The following ARHGDIG variants were observed in gnomAD, a reference collection of about 807,000 sequenced individuals.
ARHGDIG encodes rho GDP-dissociation inhibitor 3.
A neutral mutation model predicts 20.2 loss-of-function variants in ARHGDIG; 14 were observed. The ratio of observed to expected loss-of-function variants is 0.69; its 90% confidence interval spans 0.46 to 1.08. The LOEUF (loss-of-function observed/expected upper bound fraction) is 1.08. Ranked by LOEUF, ARHGDIG falls within the 50% of genes least tolerant of loss-of-function variation. ARHGDIG has a pLI of 0.00. For synonymous variants in ARHGDIG, 193 were observed against 138.6 expected (o/e 1.39, Z -2.76); for missense variants, 311 against 301.8 (o/e 1.03, Z -0.23).
rs1332960923 is a variant in ARHGDIG, at chr16:282,963, C to CGCTGTCCCCTGA, written c.*158_*169dup. 1.0e-6 allele frequency: 1 copy of CGCTGTCCCCTGA among 970,758 alleles called. No homozygotes were observed. The highest frequency in any genetic ancestry group is 1.5e-6 in the Non-Finnish European group (1 of 676,958). The allele number at this position is 970,758 out of a possible 1,614,324, so 60.1% of individuals were successfully genotyped here. On this transcript the variant is annotated 3_prime_UTR_variant, in exon 6 of 6. Transcript: ENST00000219409. ...TCTGTCCCGGGACCCCCTGGCCTGG[C>CGCTGTCCCCTGA]GCTGTCCCCTGAGCTGTCCCATTAA...
rs751588124 is a variant in ARHGDIG at position 282,275 on chromosome 16, C to T, written c.338-22C>T. On this transcript the variant is annotated intron_variant, in intron 3 of 5. Transcript: ENST00000219409. ...CTCAGCCTGTAGGGGAGTTCCGACC[C>T]TAGCTGAGGTTTCCCCAATAGGGGA... 3.2e-5 allele frequency: 52 copies of T among 1,613,036 alleles called. 1 individual carries two copies. The South Asian group carries it at 4.4e-4, about 14-fold the overall frequency.
chr16:280,622 G>C lies in ARHGDIG; in HGVS notation c.-59G>C. The C allele has an allele frequency of 1.2e-6, 1 of 810,008 alleles. No homozygotes were observed. Among genetic ancestry groups the C allele is most frequent in the Non-Finnish European group, 1.5e-6 (1 of 675,822 alleles). 50.2% of individuals were successfully genotyped at this position (810,008 alleles called of 1,614,324 possible). A position where few individuals can be genotyped will look rare whatever the true frequency, so the allele number is the denominator to read the frequency against. On this transcript the variant is annotated 5_prime_UTR_variant, in exon 1 of 6. Coordinates refer to ENST00000219409, the MANE Select transcript of ARHGDIG (RefSeq NM_001176.4). The surrounding 1 kb of genome is among the most constrained non-coding windows in gnomAD (Gnocchi z 6.6). ...GCCGGGGCTGAGCGCCGAGCGGGGC[G>C]GCGGCGGGGCGGGCGGCGGCTCCTC...
At position 280,710 on chromosome 16, in the gene ARHGDIG, G is replaced by C; in HGVS notation, c.30G>C (p.Gly10=). 7.9e-7 allele frequency: 1 copy of C among 1,270,700 alleles called. No homozygotes were observed. The allele number at this position is 1,270,700 out of a possible 1,614,324, so 78.7% of individuals were successfully genotyped here. The change falls in exon 1 of 6, where the codon GGG becomes GGC. Residue 10 remains glycine (G), a synonymous_variant. Coordinates refer to ENST00000219409, the MANE Select transcript of ARHGDIG (RefSeq NM_001176.4). This position sits in a 1 kb window ranked among gnomAD's most constrained non-coding sequence, Gnocchi z 6.6. ...TGGGCCTGGACGCGTGCGAGCTGGG[G>C]GCGCAGCTGCTGGAGCTGCTCCGGC... is the stretch of plus-strand genomic sequence containing the variant. MLGLDACEL[G]AQLLELLRLA...
intron 5 of ARHGDIG, 24 bp downstream of exon 5, chr16:282,554 G>A (rs770846119): frequency 2.8e-5 from 42 of 1,523,362 alleles, no homozygotes; most frequent in South Asian, 2.3e-4. Context: ...TGGGGGGAAC[G>A]GGGCGGGGGG....
Position 282,763 on chromosome 16 carries a change from C to G in ARHGDIG, c.627C>G (p.His209Gln), listed in dbSNP as rs368721968. ...VSLFTDDDRT[H>Q]HLSWEWGLCI... ...TCTTCACCGACGATGACAGGACGCA[C>G]CACCTGTCCTGGGAGTGGGGTCTCT... Residue 209 changes from histidine (H) to glutamine (Q), a missense_variant, in exon 6 of 6, where the codon CAC becomes CAG. Physicochemically the swap from His to Gln is conservative, Grantham distance 24. Coordinates refer to ENST00000219409, the MANE Select transcript of ARHGDIG (RefSeq NM_001176.4). The G allele has an allele frequency of 5.0e-6, 8 of 1,609,246 alleles. No homozygotes were observed. The African/African-American group carries it at 9.4e-5, about 19-fold the overall frequency.
Position 282,601 on chromosome 16 carries a change from C to T in ARHGDIG, c.479-14C>T, listed in dbSNP as rs772162740. On this transcript the variant is annotated splice_polypyrimidine_tract_variant and intron_variant, in intron 5 of 5. Coordinates refer to ENST00000219409, the MANE Select transcript of ARHGDIG (RefSeq NM_001176.4). ...GCAGACAGAGGACAGCTCTGATGCC[C>T]TCGCCCTCCCTAGTGGACAAGACCG... 3 of 1,583,188 alleles carry T rather than the reference C, an allele frequency of 1.9e-6. No individual in the cohort carries two copies. The African/African-American group carries it at 4.0e-5, about 21-fold the overall frequency.
At position 281,772 on chromosome 16, in the gene ARHGDIG, C is replaced by T. The variant is rs1750250941; in HGVS notation, c.100C>T (p.Pro34Ser). 6.2e-7 allele frequency: 1 copy of T among 1,603,176 alleles called. No individual in the cohort carries two copies. The highest frequency in any genetic ancestry group is 8.5e-7 in the Non-Finnish European group (1 of 1,175,194). Reference sequence around the variant, plus strand: ...CCTCCTGGCTGACAAGGAGGGTGGGCCGCCGGCAGTGGACGAGGTGTTGGA... The same window carrying T: ...CCTCCTGGCTGACAAGGAGGGTGGGTCGCCGGCAGTGGACGAGGTGTTGGA... ...RVLLADKEGG[P>S]PAVDEVLDEA... The change falls in exon 2 of 6, where the codon CCG (proline) becomes TCG (serine). Residue 34 changes from proline (P) to serine (S), a missense_variant. Transcript: ENST00000219409.
rs1397482395 is a variant in ARHGDIG at position 280,734 on chromosome 16, G to T, written c.54G>T (p.Arg18=). The T allele has an allele frequency of 1.5e-6, 2 of 1,296,110 alleles. No individual in the cohort carries two copies. Among genetic ancestry groups the T allele is most frequent in the Non-Finnish European group, 9.8e-7 (1 of 1,018,072 alleles). The allele number at this position is 1,296,110 out of a possible 1,614,324, so 80.3% of individuals were successfully genotyped here. ...ELGAQLLELL[R]LALCARVLLA... Reference sequence around the variant, plus strand: ...GGGCGCAGCTGCTGGAGCTGCTCCGGCTGGCGCTGTGCGCCCGAGGTGAGC... The same window carrying T: ...GGGCGCAGCTGCTGGAGCTGCTCCGTCTGGCGCTGTGCGCCCGAGGTGAGC... The change falls in exon 1 of 6, where the codon CGG becomes CGT. Residue 18 remains arginine (R), a synonymous_variant. Coordinates refer to ENST00000219409, the MANE Select transcript of ARHGDIG (RefSeq NM_001176.4). This position sits in a 1 kb window ranked among gnomAD's most constrained non-coding sequence, Gnocchi z 6.6.
At position 280,732 on chromosome 16, in the gene ARHGDIG, C is replaced by A; in HGVS notation, c.52C>A (p.Arg18=). The part of the protein sequence containing the change: ...ELGAQLLELL[R]LALCARVLLA... ...GGGGGCGCAGCTGCTGGAGCTGCTC[C>A]GGCTGGCGCTGTGCGCCCGAGGTGA... Residue 18 remains arginine, a synonymous_variant, in exon 1 of 6, where the codon CGG becomes AGG. Transcript: ENST00000219409. The surrounding 1 kb of genome is among the most constrained non-coding windows in gnomAD (Gnocchi z 6.6). The A allele has an allele frequency of 2.3e-6, 3 of 1,294,004 alleles. No homozygotes were observed. Among genetic ancestry groups the A allele is most frequent in the Non-Finnish European group, 2.0e-6 (2 of 1,017,082 alleles). The allele number at this position is 1,294,004 out of a possible 1,614,324, so 80.2% of individuals were successfully genotyped here. A position where few individuals can be genotyped will look rare whatever the true frequency, so the allele number is the denominator to read the frequency against.
Position 282,278 on chromosome 16 carries a change from G to T in ARHGDIG, c.338-19G>T, listed in dbSNP as rs940528772. On this transcript the variant is annotated intron_variant, in intron 3 of 5. Transcript: ENST00000219409. ...AGCCTGTAGGGGAGTTCCGACCCTA[G>T]CTGAGGTTTCCCCAATAGGGGACCT... The T allele has an allele frequency of 6.2e-7, 1 of 1,613,198 alleles. No homozygotes were observed. The highest frequency in any genetic ancestry group is 2.2e-5 in the East Asian group (1 of 44,880).
chr16:281,679 C>T (rs890285772), intron 1 of ARHGDIG, 67 bp from the exon 2 acceptor site: 1 of 1,476,360 alleles, frequency 6.8e-7, no homozygotes, highest in Non-Finnish European at 9.0e-7. Flanking sequence ...CCAGAGGGGG[C>T]TCCAGCCTGG....
intron 1 of ARHGDIG, chr16:281,485 G>C (rs2052282400): frequency 2.2e-6 from 1 of 454,422 alleles, no homozygotes. Context: ...CCGAGTCAGG[G>C]AGGGGGCCCT....
chr16:282,373 G>A lies in ARHGDIG; in HGVS notation c.414G>A (p.Lys138=), dbSNP rs140777703. The part of the protein sequence containing the change: ...GVDYRVKISF[K]VHREIVSGLK... The stretch of plus-strand genomic sequence containing the variant: ...ATTACAGAGTGAAGATCTCCTTCAA[G>A]GTGAGAGCCGGGGCAATGGGCGGAG... Residue 138 remains lysine, a splice_region_variant and synonymous_variant, in exon 4 of 6, where the codon AAG becomes AAA. Coordinates refer to ENST00000219409, the MANE Select transcript of ARHGDIG (RefSeq NM_001176.4). 40 of 1,612,420 alleles carry A rather than the reference G, an allele frequency of 2.5e-5. No individual in the cohort carries two copies. In the African/African-American group the frequency reaches 5.2e-4, roughly 21 times the overall value.
chr16:282,321 A>C lies in ARHGDIG; in HGVS notation c.362A>C (p.Gln121Pro). The C allele has an allele frequency of 6.3e-7, 1 of 1,595,934 alleles. No individual in the cohort carries two copies. Among genetic ancestry groups the C allele is most frequent in the Non-Finnish European group, 8.6e-7 (1 of 1,169,534 alleles). Residue 121 changes from glutamine to proline, a missense_variant, in exon 4 of 6, where the codon CAG becomes CCG. Coordinates refer to ENST00000219409, the MANE Select transcript of ARHGDIG (RefSeq NM_001176.4). ...GGGGACCTGGCTGTTCTGAAGGACCAGGTGTTTGTCCTGAAGGAAGGTGTT... is the reference window on the plus strand; with the variant it reads ...GGGGACCTGGCTGTTCTGAAGGACCCGGTGTTTGTCCTGAAGGAAGGTGTT... Reference protein sequence around the residue: ...LTGDLAVLKDQVFVLKEGVDY... With the variant: ...LTGDLAVLKDPVFVLKEGVDY...
chr16:280,676 C>CCA lies in ARHGDIG; in HGVS notation c.-4_-3insAC. The stretch of plus-strand genomic sequence containing the variant: ...GGCTCCGCGGCGCCCGGGCCGCGCG[C>CCA]CGCCATGCTGGGCCTGGACGCGTGC... On this transcript the variant is annotated 5_prime_UTR_variant, in exon 1 of 6. Coordinates refer to ENST00000219409, the MANE Select transcript of ARHGDIG (RefSeq NM_001176.4). The surrounding 1 kb of genome is among the most constrained non-coding windows in gnomAD (Gnocchi z 6.6). 1 of 1,085,744 alleles carries CCA rather than the reference C, an allele frequency of 9.2e-7. No individual in the cohort carries two copies. The highest frequency in any genetic ancestry group is 1.1e-6 in the Non-Finnish European group (1 of 895,084). 67.3% of individuals were successfully genotyped at this position (1,085,744 alleles called of 1,614,324 possible).
At chr16:281,641 C>A (rs910194269) in intron 1 of ARHGDIG, 105 bp from the exon 2 acceptor site, 4 of 1,302,826 alleles carry the variant, frequency 3.1e-6, no homozygotes, top group African/African-American at 1.5e-5. Context: ...TCCCTTGAGT[C>A]CCTTTGGATA....
intron 1 of ARHGDIG, chr16:281,088 A>G: frequency 6.3e-6 from 1 of 159,112 alleles, no homozygotes. Flanking sequence ...CGAAGTGGGC[A>G]GGGACTCAGA....
In ARHGDIG at chr16:281,777, G is replaced by A. The variant is rs78288331; in HGVS notation, c.105G>A (p.Pro35=). The stretch of plus-strand genomic sequence containing the variant: ...TGGCTGACAAGGAGGGTGGGCCGCC[G>A]GCAGTGGACGAGGTGTTGGATGAGG... The part of the protein sequence containing the change: ...VLLADKEGGP[P]AVDEVLDEAV... Residue 35 remains proline, a synonymous_variant, in exon 2 of 6, where the codon CCG becomes CCA. Transcript: ENST00000219409. 3.5e-3 allele frequency: 5,593 copies of A among 1,606,690 alleles called. 172 individuals carry two copies. The African/African-American group carries it at 0.062, about 18-fold the overall frequency.
chr16:282,138 CAGGT>C lies in ARHGDIG; in HGVS notation c.337+34_337+37del, dbSNP rs755458844. On this transcript the variant is annotated intron_variant, in intron 3 of 5. Coordinates refer to ENST00000219409, the MANE Select transcript of ARHGDIG (RefSeq NM_001176.4). The stretch of plus-strand genomic sequence containing the variant: ...CTCGCAGGATGCTGCACCCTGAACA[CAGGT>C]AGGGCCCTCCCAGGCACGCTTCTGC... 44 of 1,612,180 alleles carry C rather than the reference CAGGT, an allele frequency of 2.7e-5. 1 individual carries two copies. In the Admixed American group the frequency reaches 4.3e-4, roughly 16 times the overall value.
Sources: gnomAD v4.1 joint callset for allele counts on GRCh38, gnomAD v4.1.1 for gene constraint, Gnocchi (gnomAD v3.1) non-coding constraint, MANE v1.5 for transcripts, NCBI Gene and HGNC (gene_info 2026-07-23, HGNC 2026-07-21) for gene names.